Variants in CNTN6 observed in about 807,000 individuals in gnomAD.
CNTN6 encodes contactin-6.
A neutral mutation model predicts 122.8 loss-of-function variants in CNTN6; 137 were observed. The observed-to-expected ratio is 1.12, with a 90% CI of 0.97 to 1.29. CNTN6 has a LOEUF of 1.29. CNTN6 is among the 50% of genes most tolerant of loss of function. CNTN6 has a pLI of 0.00. For synonymous variants in CNTN6, 570 were observed against 426.0 expected (o/e 1.34, Z -4.16); for missense variants, 1,634 against 1,223.4 (o/e 1.34, Z -5.01).
At chr3:1,352,189 A>G in intron 11 of CNTN6, 135 bp from the exon 12 acceptor site, 1 of 692,732 alleles carries the variant, frequency 1.4e-6, no homozygotes, top group Non-Finnish European at 2.2e-6. Context: ...TGAAGAACAG[A>G]ATAATAGGAA....
At chr3:1,103,004 G>A (rs1393945020) in intron 1 of CNTN6, among the ~76,000 whole-genome samples, 1 of 151,270 alleles carries the variant, frequency 6.6e-6, no homozygotes, top group Non-Finnish European at 1.5e-5. Flanking sequence ...TACTCGGGAG[G>A]CTGAGGCAGG....
At chr3:1,368,560 C>T (rs1708552916) in intron 12 of CNTN6, among the ~76,000 whole-genome samples, 1 of 151,986 alleles carries the variant, frequency 6.6e-6, no homozygotes, top group Non-Finnish European at 1.5e-5. Context: ...TGTGATCTTG[C>T]ATTTGCCAGG....
chr3:1,358,294 GCAA>G (rs1706912175), intron 12 of CNTN6, among the ~76,000 whole-genome samples: 1 of 151,816 alleles, frequency 6.6e-6, no homozygotes, highest in Admixed American at 6.6e-5. Flanking sequence ...GCCCAAACCT[GCAA>G]ACACTTGTGC....
At chr3:1,260,182 C>T (rs905534559) in intron 4 of CNTN6, among the ~76,000 whole-genome samples, 4 of 152,156 alleles carry the variant, frequency 2.6e-5, no homozygotes, top group African/African-American at 9.7e-5. Context: ...TCCCTGATTG[C>T]AAGTGACTTT....
At chr3:1,373,583 T>C (rs779106029) in intron 14 of CNTN6, 21 bp from the exon 15 acceptor site, 2 of 1,608,626 alleles carry the variant, frequency 1.2e-6, no homozygotes, top group Admixed American at 1.7e-5. Context: ...AATGGAGTCA[T>C]GATAAAACAT....
chr3:1,401,116 CTAGA>C (rs72190741), intron 20 of CNTN6, among the ~76,000 whole-genome samples: 32,740 of 151,652 alleles, frequency 0.22, 3,827 homozygotes, highest in African/African-American at 0.27. Flanking sequence ...AAATGGAATC[CTAGA>C]TAAAGAGACC....
chr3:1,336,934 G>A (rs982421689), intron 11 of CNTN6, among the ~76,000 whole-genome samples: 1 of 152,100 alleles, frequency 6.6e-6, no homozygotes, highest in South Asian at 2.1e-4. Flanking sequence ...CAAAGTAAGA[G>A]AGAAGGAAAT....
intron 4 of CNTN6, among the ~76,000 whole-genome samples, chr3:1,231,849 C>T (rs936845628): frequency 1.3e-5 from 2 of 152,190 alleles, no homozygotes; most frequent in South Asian, 2.1e-4. Flanking sequence ...AGTCTAGTCA[C>T]CAAAGGCTTC....
chr3:1,140,720 A>G (rs552403302), intron 1 of CNTN6, among the ~76,000 whole-genome samples: 266 of 152,284 alleles, frequency 1.7e-3, no homozygotes, highest in African/African-American at 5.4e-3. Flanking sequence ...AAAAAATTGT[A>G]GAAATGATTC....
chr3:1,348,690 T>A (rs2126063488), intron 11 of CNTN6, among the ~76,000 whole-genome samples: 1 of 152,176 alleles, frequency 6.6e-6, no homozygotes, highest in Middle Eastern at 3.4e-3. Flanking sequence ...AAACGGAACT[T>A]GCTAAAATAA....
At chr3:1,144,660 G>T (rs1363227245) in intron 1 of CNTN6, among the ~76,000 whole-genome samples, 1 of 136,852 alleles carries the variant, frequency 7.3e-6, no homozygotes, top group East Asian at 2.1e-4. Context: ...GGTAGAAGGA[G>T]ACAAAAACAA....
intron 6 of CNTN6, among the ~76,000 whole-genome samples, chr3:1,297,380 A>C (rs186764649): frequency 1.4e-4 from 21 of 152,302 alleles, no homozygotes; most frequent in Non-Finnish European, 2.4e-4. Flanking sequence ...AATAGGTTAT[A>C]CCATCATCTT....
intron 17 of CNTN6, among the ~76,000 whole-genome samples, chr3:1,378,191 C>T (rs1710161096): frequency 6.6e-6 from 1 of 152,144 alleles, no homozygotes; most frequent in African/African-American, 2.4e-5. Context: ...TACCCTGCTC[C>T]ATGTTTAGCG....
In CNTN6 at chr3:1,324,239, G is replaced by A. The variant is rs541691316; in HGVS notation, c.947-1576G>A. Reference sequence around the variant, plus strand: ...AGAGACATCATGATTTCTTTTACTCGTTTGTAGTCTCATTGAAGGGTCTTC... The same window carrying A: ...AGAGACATCATGATTTCTTTTACTCATTTGTAGTCTCATTGAAGGGTCTTC... On this transcript the variant is annotated intron_variant, in intron 8 of 22. Transcript: ENST00000446702. Among the ~76,000 whole-genome samples, 5 of 149,144 alleles carry A rather than the reference G, an allele frequency of 3.4e-5. No individual in the cohort carries two copies. The South Asian group carries it at 6.3e-4, about 19-fold the overall frequency.
intron 2 of CNTN6, among the ~76,000 whole-genome samples, chr3:1,187,569 A>C (rs776128929): frequency 6.6e-6 from 1 of 151,994 alleles, no homozygotes; most frequent in African/African-American, 2.4e-5. Context: ...TCTGGGTTTC[A>C]TTTTTGGTTG....
chr3:1,317,925 G>A (rs1050496385), intron 7 of CNTN6, among the ~76,000 whole-genome samples: 19 of 148,338 alleles, frequency 1.3e-4, no homozygotes, highest in African/African-American at 4.7e-4. Context: ...GTCCTCTGCA[G>A]ATTTAGAATC....
intron 2 of CNTN6, among the ~76,000 whole-genome samples, chr3:1,164,335 C>T (rs1017978326): frequency 2.0e-5 from 3 of 152,252 alleles, no homozygotes. Flanking sequence ...CCACCTGCTC[C>T]AGTGCCCAAG....
rs550010960 is a variant in CNTN6, at chr3:1,157,028, T to A, written c.55+8965T>A. 1.1e-3 allele frequency among the ~76,000 whole-genome samples: 161 copies of A among 149,454 alleles called. 1 individual carries two copies. Among genetic ancestry groups the A allele is most frequent in the African/African-American group, 3.7e-3 (151 of 40,314 alleles). On this transcript the variant is annotated intron_variant, in intron 2 of 22. Transcript: ENST00000446702. ...ACTGCACCTTGCCTCTTTTTTTTTT[T>A]ATTTTTAATTTTAATTTTTCTGTGT...
intron 1 of CNTN6, among the ~76,000 whole-genome samples, chr3:1,110,323 T>C (rs977213330): frequency 1.2e-4 from 18 of 152,218 alleles, no homozygotes; most frequent in Non-Finnish European, 2.4e-4. Context: ...TTTTTTTGAT[T>C]GAAGAAACCA....
Sources: allele counts gnomAD v4.1 joint callset (sites outside exome capture counted in the v4.1 genomes callset), GRCh38; gene constraint gnomAD v4.1.1; transcripts MANE v1.5; gene names NCBI Gene and HGNC (gene_info 2026-07-23, HGNC 2026-07-21).